Variants in PCDHA13 observed in about 807,000 individuals in gnomAD.
PCDHA13 encodes the protein protocadherin alpha 13, also known as protocadherin alpha-13.
Under a neutral mutation model 64.8 loss-of-function variants are expected in PCDHA13, and 54 were observed. That is an observed-to-expected ratio of 0.83 (90% confidence interval 0.67 to 1.04). The LOEUF (loss-of-function observed/expected upper bound fraction) is 1.04, where lower values mean the gene tolerates loss of function less well. Among genes scored for constraint, PCDHA13 ranks in the 50% least tolerant of loss-of-function variants. The probability of loss-of-function intolerance (pLI) is 0.00; values close to 1 mark genes in which losing one functional copy is unlikely to be tolerated. For synonymous variants in PCDHA13, 587 were observed against 564.4 expected (o/e 1.04, Z -0.57); for missense variants, 1,248 against 1,254.3 (o/e 0.99, Z 0.08).
Position 140,942,913 on chromosome 5 carries a change from GA to G in PCDHA13, c.2395-36026del, listed in dbSNP as rs58669311. Among the ~76,000 whole-genome samples the G allele has an allele frequency of 2.0e-3, 305 of 148,960 alleles. 3 individuals carry two copies. The highest frequency in any genetic ancestry group is 6.9e-3 in the African/African-American group (281 of 40,624). ...ATTTATCTCTAAGAATAAGCGTGAA[GA>G]AAAAAAAAATTGAAAAAGAGTTTAA... On this transcript the variant is annotated intron_variant, in intron 1 of 3. Coordinates refer to ENST00000289272, the MANE Select transcript of PCDHA13 (RefSeq NM_018904.3).
At chr5:140,963,659 A>G (rs1474288889) in intron 1 of PCDHA13, among the ~76,000 whole-genome samples, 3 of 152,222 alleles carry the variant, frequency 2.0e-5, no homozygotes. Context: ...TTGATTTCCT[A>G]TATGGCATAG....
intron 3 of PCDHA13, among the ~76,000 whole-genome samples, chr5:140,998,057 A>G (rs2097795221): frequency 1.3e-5 from 2 of 152,294 alleles, no homozygotes; most frequent in South Asian, 4.1e-4. Flanking sequence ...TGACATCATC[A>G]TCAACAGACT....
At chr5:141,007,891 T>G (rs2098350311) in intron 3 of PCDHA13, among the ~76,000 whole-genome samples, 1 of 152,232 alleles carries the variant, frequency 6.6e-6, no homozygotes, top group Admixed American at 6.5e-5. Flanking sequence ...CTTTAAAAAT[T>G]TATTGTTCTT....
At chr5:140,989,996 A>G (rs1554251207) in intron 3 of PCDHA13, among the ~76,000 whole-genome samples, 1 of 152,144 alleles carries the variant, frequency 6.6e-6, no homozygotes, top group Non-Finnish European at 1.5e-5. Context: ...GAAATTGTCT[A>G]TCTCCAAGGG....
chr5:140,941,286 CTCTT>C (rs5871754), intron 1 of PCDHA13, among the ~76,000 whole-genome samples: 36,780 of 106,460 alleles, frequency 0.35, 6,423 homozygotes, highest in East Asian at 0.56. Flanking sequence ...TCCTTCCTTT[CTCTT>C]TCTTTCTTTC....
chr5:140,957,169 A>T (rs868935808), intron 1 of PCDHA13, among the ~76,000 whole-genome samples: 16 of 152,164 alleles, frequency 1.1e-4, no homozygotes, highest in African/African-American at 3.9e-4. Flanking sequence ...CTAAGTATAT[A>T]AATTGGTTTA....
Position 140,885,836 on chromosome 5 carries a change from C to T in PCDHA13, c.2394+1174C>T, listed in dbSNP as rs186775413. On this transcript the variant is annotated intron_variant, in intron 1 of 3. Transcript: ENST00000289272. ...TGTATTTGATCTTCTTTGATTTATC[C>T]ATTAAGTTATTTGCCTACTTTTCTA... Among the ~76,000 whole-genome samples the T allele has an allele frequency of 3.1e-3, 470 of 152,032 alleles. 3 individuals are homozygous for T. Among genetic ancestry groups the T allele is most frequent in the Middle Eastern group, 0.014 (4 of 294 alleles).
At chr5:140,967,473 C>G in intron 1 of PCDHA13, 1 of 1,613,362 alleles carries the variant, frequency 6.2e-7, no homozygotes, top group Admixed American at 1.7e-5. Context: ...GGCATCCCAG[C>G]CCGCTCGGGT....
At chr5:140,928,532 A>G (rs781788985) in intron 1 of PCDHA13, 42 of 1,614,110 alleles carry the variant, frequency 2.6e-5, no homozygotes, top group Middle Eastern at 1.6e-4. Flanking sequence ...TTTGTGGTAG[A>G]TAGGAATGAC....
chr5:140,995,930 A>G (rs186484511), intron 3 of PCDHA13, among the ~76,000 whole-genome samples: 1 of 152,342 alleles, frequency 6.6e-6, no homozygotes, highest in Admixed American at 6.5e-5. Context: ...TGTTGTAAGT[A>G]TTAAATGACA....
intron 3 of PCDHA13, among the ~76,000 whole-genome samples, chr5:140,991,824 A>T (rs1326935155): frequency 1.3e-5 from 2 of 152,240 alleles, no homozygotes; most frequent in Non-Finnish European, 2.9e-5. Context: ...TTAGGCATTT[A>T]TAACGGCAGA....
chr5:140,940,164 AT>A (rs1407801775), intron 1 of PCDHA13, among the ~76,000 whole-genome samples: 1 of 152,170 alleles, frequency 6.6e-6, no homozygotes, highest in African/African-American at 2.4e-5. Flanking sequence ...TTTGCCTGAA[AT>A]GTCATTCTTG....
Position 141,010,117 on chromosome 5 carries a change from T to C in PCDHA13, c.*180T>C. Reference sequence around the variant, plus strand: ...TTTAACAGGTTTTGTCGTAAAAGCTTTACTAAGTCTGGTGTTAACTCTTTC... The same window carrying C: ...TTTAACAGGTTTTGTCGTAAAAGCTCTACTAAGTCTGGTGTTAACTCTTTC... On this transcript the variant is annotated 3_prime_UTR_variant, in exon 4 of 4. Transcript: ENST00000289272. 1 of 1,608,612 alleles carries C rather than the reference T, an allele frequency of 6.2e-7. No individual in the cohort carries two copies. The highest frequency in any genetic ancestry group is 8.5e-7 in the Non-Finnish European group (1 of 1,177,044).
At chr5:140,950,452 C>A (rs1030639288) in intron 1 of PCDHA13, among the ~76,000 whole-genome samples, 12 of 151,888 alleles carry the variant, frequency 7.9e-5, no homozygotes, top group African/African-American at 2.7e-4. Context: ...ATTCTACTGT[C>A]TTCTAATGCT....
intron 1 of PCDHA13, among the ~76,000 whole-genome samples, chr5:140,908,808 A>C (rs781863210): frequency 6.6e-6 from 1 of 152,068 alleles, no homozygotes; most frequent in Non-Finnish European, 1.5e-5. Flanking sequence ...AAAAAGTGAG[A>C]GCCTTTTGGG....
rs114421153 is a variant in PCDHA13, at chr5:140,919,495, A to T, written c.2394+34833A>T. ...TATTTGGATTTATGTTTGTTATTTT[A>T]CTCCTTTTTCTATATGTTTTAATTC... On this transcript the variant is annotated intron_variant, in intron 1 of 3. Coordinates refer to ENST00000289272, the MANE Select transcript of PCDHA13 (RefSeq NM_018904.3). 4.5e-3 allele frequency among the ~76,000 whole-genome samples: 671 copies of T among 150,296 alleles called. 3 individuals are homozygous for T. Among genetic ancestry groups the T allele is most frequent in the African/African-American group, 0.016 (651 of 40,928 alleles).
chr5:140,901,244 T>C (rs1166862455), intron 1 of PCDHA13, among the ~76,000 whole-genome samples: 3 of 152,212 alleles, frequency 2.0e-5, no homozygotes, highest in Non-Finnish European at 4.4e-5. Context: ...TTTTTTCCTT[T>C]GGTTCCCTGT....
intron 3 of PCDHA13, among the ~76,000 whole-genome samples, chr5:140,994,520 T>C (rs2097631658): frequency 6.8e-6 from 1 of 147,840 alleles, no homozygotes; most frequent in African/African-American, 2.6e-5. Context: ...CTGGGCAACA[T>C]GGCAAAACCC....
intron 1 of PCDHA13, among the ~76,000 whole-genome samples, chr5:140,973,810 T>C (rs1179978402): frequency 6.6e-6 from 1 of 152,230 alleles, no homozygotes; most frequent in Non-Finnish European, 1.5e-5. Context: ...CTTGACAGAA[T>C]AGCAAAGTCA....
Sources: allele counts gnomAD v4.1 joint callset (sites outside exome capture counted in the v4.1 genomes callset), GRCh38; gene constraint gnomAD v4.1.1; transcripts MANE v1.5; gene names NCBI Gene and HGNC (gene_info 2026-07-23, HGNC 2026-07-21).